Variants in CLCN6 observed in about 807,000 individuals in gnomAD.
CLCN6 encodes the protein H(+)/Cl(-) exchange transporter 6.
Under a neutral mutation model 109.8 loss-of-function variants are expected in CLCN6, and 70 were observed. The ratio of observed to expected loss-of-function variants is 0.64; its 90% CI spans 0.53 to 0.78. The LOEUF (loss-of-function observed/expected upper bound fraction) is 0.78, where lower values mean the gene tolerates loss of function less well. Among genes scored for constraint, CLCN6 ranks in the 30% least tolerant of loss-of-function variants. CLCN6 has a pLI of 0.00. For missense variants in CLCN6, 984 were observed against 1,142.3 expected (o/e 0.86, Z 2.00); for synonymous variants, 444 against 447.8 (o/e 0.99, Z 0.11).
intron 2 of CLCN6, 134 bp from the exon 3 acceptor site, chr1:11,815,712 C>A: frequency 1.5e-6 from 1 of 681,796 alleles, no homozygotes; most frequent in Non-Finnish European, 2.6e-6. Context: ...GCATTTTGAA[C>A]CAGCTCCTCC....
Position 11,840,529 on chromosome 1 carries a change from C to G in CLCN6, c.*306C>G. ...CCAGAGCCAGAAGCAGAGGTAGAAT[C>G]AGGCGGGCCCCGGGCTGCACTCCGA... On this transcript the variant is annotated 3_prime_UTR_variant, in exon 23 of 23. Transcript: ENST00000346436. The G allele has an allele frequency of 4.1e-6, 2 of 484,394 alleles. No homozygotes were observed. Among genetic ancestry groups the G allele is most frequent in the Non-Finnish European group, 7.6e-6 (2 of 263,188 alleles). The allele number at this position is 484,394 out of a possible 1,614,324, so 30.0% of individuals were successfully genotyped here. A position where few individuals can be genotyped will look rare whatever the true frequency, so the allele number is the denominator to read the frequency against.
intron 3 of CLCN6, 93 bp from the exon 4 acceptor site, chr1:11,816,522 G>C: frequency 1.7e-6 from 2 of 1,159,852 alleles, no homozygotes; most frequent in South Asian, 2.7e-5. Flanking sequence ...TCTCCACGTG[G>C]AATTTAGCTT....
intron 20 of CLCN6, 40 bp from the exon 21 acceptor site, chr1:11,838,295 T>TA: frequency 6.3e-7 from 1 of 1,589,128 alleles, no homozygotes; most frequent in Non-Finnish European, 8.6e-7. Context: ...TGCTGGCCAC[T>TA]GCTGCCTGAG....
In CLCN6 at chr1:11,828,322, C is replaced by G. The variant is rs1020823549; in HGVS notation, c.954+103C>G. The G allele has an allele frequency of 2.8e-6, 4 of 1,429,416 alleles. No individual in the cohort carries two copies. In the African/African-American group the frequency reaches 5.6e-5, roughly 20 times the overall value. The allele number at this position is 1,429,416 out of a possible 1,614,324, so 88.5% of individuals were successfully genotyped here. On this transcript the variant is annotated intron_variant, in intron 11 of 22. Coordinates refer to ENST00000346436, the MANE Select transcript of CLCN6 (RefSeq NM_001286.5). ...TGAGCAGAGGGCTAGGTACAACTTC[C>G]AGGGACACATCTCACCCATTAGCCT... is the stretch of plus-strand genomic sequence containing the variant.
intron 13 of CLCN6, among the ~76,000 whole-genome samples, chr1:11,831,945 A>G (rs78436614): frequency 0.041 from 6,311 of 152,280 alleles, 162 homozygotes; most frequent in Middle Eastern, 0.082. Flanking sequence ...AGGATTATAG[A>G]CACAAGCCAT....
Position 11,834,341 on chromosome 1 carries a change from G to C in CLCN6, c.1632G>C (p.Leu544=). The C allele has an allele frequency of 6.2e-7, 1 of 1,614,132 alleles. No individual in the cohort carries two copies. Among genetic ancestry groups the C allele is most frequent in the Non-Finnish European group, 8.5e-7 (1 of 1,180,012 alleles). ...TGACCATCAGCCTCACGGTCATCCTGATCGAGTCCACCAATGAGATCACCT... is the reference window on the plus strand; with the variant it reads ...TGACCATCAGCCTCACGGTCATCCTCATCGAGTCCACCAATGAGATCACCT... ...VRMTISLTVI[L]IESTNEITYG... Residue 544 remains leucine, a synonymous_variant, in exon 16 of 23, where the codon CTG becomes CTC. Transcript: ENST00000346436. The surrounding 1 kb of genome is among the most constrained non-coding windows in gnomAD (Gnocchi z 4.5).
intron 2 of CLCN6, among the ~76,000 whole-genome samples, chr1:11,811,771 A>C (rs960448684): frequency 3.3e-5 from 5 of 152,030 alleles, no homozygotes; most frequent in African/African-American, 9.6e-5. Flanking sequence ...CTTGCCCCTG[A>C]CTCCAGGCAA....
intron 5 of CLCN6, among the ~76,000 whole-genome samples, 195 bp from the exon 6 acceptor site, chr1:11,822,499 TC>T (rs1472135105): frequency 6.6e-6 from 1 of 152,206 alleles, no homozygotes; most frequent in Admixed American, 6.5e-5. Flanking sequence ...TGCCTCAGCC[TC>T]CCAAAGTGTT....
chr1:11,829,883 C>T (rs932699812), intron 13 of CLCN6: 1 of 156,450 alleles, frequency 6.4e-6, no homozygotes, highest in Admixed American at 6.5e-5. Context: ...CTTTCTGAGC[C>T]CCAGTTACTC....
At chr1:11,824,237 C>A (rs182741625) in intron 7 of CLCN6, among the ~76,000 whole-genome samples, 379 of 152,312 alleles carry the variant, frequency 2.5e-3, no homozygotes, top group African/African-American at 8.9e-3. Context: ...CCGTGTAAAA[C>A]CAGGAGGGAG....
chr1:11,830,737 T>TTATATATATATATATA (rs369772847), intron 13 of CLCN6, among the ~76,000 whole-genome samples: 4 of 91,108 alleles, frequency 4.4e-5, no homozygotes, highest in African/African-American at 1.6e-4. Flanking sequence ...TATGTATATA[T>TTATATATATATATATA]TATATATATA....
chr1:11,834,482 A>G lies in CLCN6; in HGVS notation c.1687-2A>G. The G allele has an allele frequency of 6.2e-7, 1 of 1,614,042 alleles. No homozygotes were observed. Among genetic ancestry groups the G allele is most frequent in the Non-Finnish European group, 8.5e-7 (1 of 1,179,966 alleles). Reference sequence around the variant, plus strand: ...TTTTTAGGTCTTTGCTTTGTGTTTCAGGTGGCCAAATGGACAGGGGACTTT... The same window carrying G: ...TTTTTAGGTCTTTGCTTTGTGTTTCGGGTGGCCAAATGGACAGGGGACTTT... On this transcript the variant is annotated splice_acceptor_variant, in intron 16 of 22. Coordinates refer to ENST00000346436, the MANE Select transcript of CLCN6 (RefSeq NM_001286.5). LOFTEE classifies it high-confidence loss of function. The surrounding 1 kb of genome is among the most constrained non-coding windows in gnomAD (Gnocchi z 4.5).
intron 13 of CLCN6, among the ~76,000 whole-genome samples, chr1:11,832,941 A>C (rs1266446929): frequency 6.6e-6 from 1 of 151,884 alleles, no homozygotes. Context: ...TGGGGTCTAG[A>C]AGGAGAGGCA....
chr1:11,816,793 T>G, intron 4 of CLCN6, 113 bp downstream of exon 4: 3 of 672,646 alleles, frequency 4.5e-6, no homozygotes, highest in East Asian at 6.5e-5. Context: ...TTTATAACAT[T>G]ATAATGCAAT....
At position 11,807,161 on chromosome 1, in the gene CLCN6, G is replaced by C. The variant is rs1361981884; in HGVS notation, c.118G>C (p.Asp40His). Residue 40 changes from aspartate (D) to histidine (H), a missense_variant, in exon 2 of 23, where the codon GAT becomes CAT. Physicochemically the swap from Asp to His is moderately conservative, Grantham distance 81. Transcript: ENST00000346436. ...TILGETQEEE[D>H]EILPRKDYES... ...CCTTGGAGAAACACAGGAGGAGGAG[G>C]ATGAGATTCTTCCAAGGAAAGACTA... 6.2e-7 allele frequency: 1 copy of C among 1,614,220 alleles called. No individual in the cohort carries two copies. Among genetic ancestry groups the C allele is most frequent in the South Asian group, 1.1e-5 (1 of 91,086 alleles).
chr1:11,825,595 G>C lies in CLCN6; in HGVS notation c.649-561G>C, dbSNP rs1046793274. ...GGAAAAATAAGCTCCTCCCAAGGGT[G>C]GGGGGTAATCTCCTTTTTTCCCAAG... On this transcript the variant is annotated intron_variant, in intron 8 of 22. Coordinates refer to ENST00000346436, the MANE Select transcript of CLCN6 (RefSeq NM_001286.5). Among the ~76,000 whole-genome samples the C allele has an allele frequency of 2.0e-5, 3 of 152,184 alleles. No individual in the cohort carries two copies. The East Asian group carries it at 5.8e-4, about 29-fold the overall frequency.
At chr1:11,830,776 C>CACACTA (rs1213012368) in intron 13 of CLCN6, among the ~76,000 whole-genome samples, 1 of 118,128 alleles carries the variant, frequency 8.5e-6, no homozygotes, top group South Asian at 2.8e-4. Context: ...CACACACACA[C>CACACTA]TATATATACA....
In CLCN6 at chr1:11,816,010, T is replaced by C. The variant is rs183732313; in HGVS notation, c.213+99T>C. The stretch of plus-strand genomic sequence containing the variant: ...CCCAGTAAACATCTTTACACCTTGT[T>C]TTTTGAACCTTTTCATGCGATACAG... On this transcript the variant is annotated intron_variant, in intron 3 of 22. Coordinates refer to ENST00000346436, the MANE Select transcript of CLCN6 (RefSeq NM_001286.5). 7 of 874,902 alleles carry C rather than the reference T, an allele frequency of 8.0e-6. No individual in the cohort carries two copies. In the African/African-American group the frequency reaches 1.0e-4, roughly 13 times the overall value. The allele number at this position is 874,902 out of a possible 1,614,324, so 54.2% of individuals were successfully genotyped here.
intron 2 of CLCN6, among the ~76,000 whole-genome samples, chr1:11,815,489 A>G (rs1278828678): frequency 1.3e-5 from 2 of 152,092 alleles, no homozygotes; most frequent in East Asian, 3.9e-4. Context: ...TCCACCTCCC[A>G]GGTTCCAGTG....
Sources: allele counts gnomAD v4.1 joint callset (sites outside exome capture counted in the v4.1 genomes callset), GRCh38; gene constraint gnomAD v4.1.1; non-coding constraint Gnocchi (gnomAD v3.1); transcripts MANE v1.5; gene names NCBI Gene and HGNC (gene_info 2026-07-23, HGNC 2026-07-21).